Variants in COL4A2 observed in about 807,000 individuals in gnomAD.
The protein encoded by COL4A2 is collagen alpha-2(IV) chain.
A neutral mutation model predicts 200.2 loss-of-function variants in COL4A2; 99 were observed. The observed-to-expected ratio is 0.49, with a 90% CI of 0.42 to 0.58. COL4A2 has a LOEUF of 0.58. COL4A2 is among the 20% of genes least tolerant of loss of function. COL4A2 has a pLI of 0.00. For missense variants in COL4A2, 1,950 were observed against 2,314.1 expected, an observed-to-expected ratio of 0.84 and a Z score of 3.23; for synonymous variants, 897 against 900.6, an observed-to-expected ratio of 1.00 and a Z score of 0.07.
At chr13:110,338,076 C>A (rs1255329488) in intron 3 of COL4A2, among the ~76,000 whole-genome samples, 1 of 152,130 alleles carries the variant, frequency 6.6e-6, no homozygotes, top group Non-Finnish European at 1.5e-5. Flanking sequence ...GCGTATTGCT[C>A]ACTTGGATCC....
chr13:110,456,107 T>C (rs1165995821), intron 20 of COL4A2, among the ~76,000 whole-genome samples: 2 of 152,220 alleles, frequency 1.3e-5, no homozygotes, highest in Admixed American at 6.5e-5. Context: ...TCTTTGCTGG[T>C]GTGAAGAGCA....
intron 24 of COL4A2, among the ~76,000 whole-genome samples, chr13:110,462,743 A>G (rs1882078609): frequency 6.6e-6 from 1 of 152,178 alleles, no homozygotes; most frequent in Non-Finnish European, 1.5e-5. Flanking sequence ...CATTTTTGCA[A>G]CAAACACACA....
At chr13:110,383,922 T>C (rs1460640052) in intron 4 of COL4A2, among the ~76,000 whole-genome samples, 1 of 152,232 alleles carries the variant, frequency 6.6e-6, no homozygotes, top group African/African-American at 2.4e-5. Flanking sequence ...GTGTCAGCCC[T>C]TTTCAAGCTG....
intron 4 of COL4A2, among the ~76,000 whole-genome samples, chr13:110,359,197 A>G (rs1877414608): frequency 6.6e-6 from 1 of 152,214 alleles, no homozygotes; most frequent in Non-Finnish European, 1.5e-5. Context: ...AATCATCACC[A>G]TTACATCTGG....
rs113322357 is a variant in COL4A2 at position 110,468,447 on chromosome 13, A to G, written c.2096-770A>G. 2,095 of 397,320 alleles carry G rather than the reference A, an allele frequency of 5.3e-3. 12 individuals carry two copies. Among genetic ancestry groups the G allele is most frequent in the Non-Finnish European group, 7.2e-3 (1,390 of 193,118 alleles). The allele number at this position is 397,320 out of a possible 1,614,324, so 24.6% of individuals were successfully genotyped here. ...CACGCTCAGCACACACCCAGACTAC[A>G]GCCGTGTGCCAAGGCCGGTCTCCGG... On this transcript the variant is annotated intron_variant, in intron 27 of 47. Coordinates refer to ENST00000360467, the MANE Select transcript of COL4A2 (RefSeq NM_001846.4).
At chr13:110,395,263 A>G (rs1879144917) in intron 4 of COL4A2, among the ~76,000 whole-genome samples, 1 of 152,224 alleles carries the variant, frequency 6.6e-6, no homozygotes, top group African/African-American at 2.4e-5. Context: ...GTTCCCTTCA[A>G]CATTAGAACA....
At chr13:110,469,577 C>T (rs1216854204) in intron 28 of COL4A2, among the ~76,000 whole-genome samples, 5 of 152,270 alleles carry the variant, frequency 3.3e-5, no homozygotes, top group Non-Finnish European at 5.9e-5. Flanking sequence ...GGCTGTCCTC[C>T]GCAACACCTG....
In COL4A2 at chr13:110,428,399, T is replaced by G. The variant is rs1008549692; in HGVS notation, c.361-68T>G. The G allele has an allele frequency of 4.4e-6, 4 of 909,928 alleles. No individual in the cohort carries two copies. In the African/African-American group the frequency reaches 7.0e-5, roughly 16 times the overall value. The allele number at this position is 909,928 out of a possible 1,614,324, so 56.4% of individuals were successfully genotyped here. ...GGCTTATGAGAATATAAGACTGTTT[T>G]ATCTCACAGTTACATGACAACTAGA... On this transcript the variant is annotated intron_variant, in intron 6 of 47. Coordinates refer to ENST00000360467, the MANE Select transcript of COL4A2 (RefSeq NM_001846.4).
rs765157156 is a variant in COL4A2, at chr13:110,428,574, C to T, written c.468C>T (p.Thr156=). The part of the protein sequence containing the change: ...PQGPPGSEGF[T]GPPGPQGPKG... ...GGCCCCCCGGCTCTGAGGGGTTCACCGGGCCTCCCGTGAGTATCCCCACAG... is the reference window on the plus strand; with the variant it reads ...GGCCCCCCGGCTCTGAGGGGTTCACTGGGCCTCCCGTGAGTATCCCCACAG... The change falls in exon 7 of 48, where the codon ACC becomes ACT. Residue 156 remains threonine (T), a synonymous_variant. Coordinates refer to ENST00000360467, the MANE Select transcript of COL4A2 (RefSeq NM_001846.4). 2.7e-5 allele frequency: 42 copies of T among 1,537,680 alleles called. No individual in the cohort carries two copies. The South Asian group carries it at 3.9e-4, about 14-fold the overall frequency.
At position 110,385,474 on chromosome 13, in the gene COL4A2, T is replaced by C. The variant is rs1441662649; in HGVS notation, c.180+27922T>C. 5.4e-4 allele frequency among the ~76,000 whole-genome samples: 77 copies of C among 142,146 alleles called. 2 individuals carry two copies. The highest frequency in any genetic ancestry group is 1.5e-3 in the South Asian group (7 of 4,628). The allele number at this position is 142,146 out of a possible 152,430, so 93.3% of individuals were successfully genotyped here. ...GCTGCAGTGTGTGGATAGGCCGTGG[T>C]TACAGTGTGTGGATAGGCCGTGGTT... On this transcript the variant is annotated intron_variant, in intron 4 of 47. Coordinates refer to ENST00000360467, the MANE Select transcript of COL4A2 (RefSeq NM_001846.4).
intron 3 of COL4A2, among the ~76,000 whole-genome samples, chr13:110,354,183 T>C (rs1007820198): frequency 2.6e-5 from 4 of 152,186 alleles, no homozygotes; most frequent in Non-Finnish European, 5.9e-5. Context: ...AGTTGATGCT[T>C]TACCCTATAG....
At position 110,450,468 on chromosome 13, in the gene COL4A2, A is replaced by G. The variant is rs368543918; in HGVS notation, c.1339+14A>G. The G allele has an allele frequency of 5.2e-4, 840 of 1,613,014 alleles. 13 individuals are homozygous for G. In the South Asian group the frequency reaches 8.7e-3, roughly 17 times the overall value. ...CTGGACCTGATGGTGAGTGGAGGGA[A>G]ACAAAAGGGAGGGTGTAGCCTAATG... On this transcript the variant is annotated intron_variant, in intron 20 of 47. Coordinates refer to ENST00000360467, the MANE Select transcript of COL4A2 (RefSeq NM_001846.4).
chr13:110,335,597 A>C (rs1876145408), intron 3 of COL4A2, among the ~76,000 whole-genome samples: 1 of 152,162 alleles, frequency 6.6e-6, no homozygotes, highest in Non-Finnish European at 1.5e-5. Flanking sequence ...CTTTATCAGC[A>C]GCATGAAAAT....
intron 4 of COL4A2, among the ~76,000 whole-genome samples, chr13:110,361,394 C>T (rs1318848168): frequency 6.6e-6 from 1 of 152,182 alleles, no homozygotes; most frequent in Non-Finnish European, 1.5e-5. Context: ...CCCACAGCTT[C>T]CCCTGGGGTG....
chr13:110,334,884 C>T (rs747008134), intron 3 of COL4A2, among the ~76,000 whole-genome samples: 10 of 152,280 alleles, frequency 6.6e-5, no homozygotes, highest in African/African-American at 9.6e-5. Flanking sequence ...AACGTTCTCC[C>T]GGAGCAGGCC....
chr13:110,382,814 C>A (rs1168724388), intron 4 of COL4A2, among the ~76,000 whole-genome samples: 1 of 152,174 alleles, frequency 6.6e-6, no homozygotes, highest in Non-Finnish European at 1.5e-5. Context: ...ATAGTTGCAT[C>A]ACATTTTTCC....
chr13:110,454,418 G>T (rs1354365206), intron 20 of COL4A2, among the ~76,000 whole-genome samples: 1 of 152,126 alleles, frequency 6.6e-6, no homozygotes, highest in Non-Finnish European at 1.5e-5. Context: ...TGAATGACGT[G>T]TCTCAGATTG....
At chr13:110,348,170 T>TAACTGCTGGCACTCAC (rs1303285225) in intron 3 of COL4A2, among the ~76,000 whole-genome samples, 1 of 152,252 alleles carries the variant, frequency 6.6e-6, no homozygotes, top group Non-Finnish European at 1.5e-5. Flanking sequence ...GACGCAGTCA[T>TAACTGCTGGCACTCAC]AACTGCTGGC....
chr13:110,358,184 G>A (rs996298943), intron 4 of COL4A2, among the ~76,000 whole-genome samples: 26 of 151,742 alleles, frequency 1.7e-4, no homozygotes, highest in South Asian at 4.2e-4. Flanking sequence ...TTTATTCGAT[G>A]TTTTTTTCTA....
Sources: allele counts gnomAD v4.1 joint callset (sites outside exome capture counted in the v4.1 genomes callset), GRCh38; gene constraint gnomAD v4.1.1; transcripts MANE v1.5; gene names NCBI Gene and HGNC (gene_info 2026-07-23, HGNC 2026-07-21).